SNX18: variants seen among roughly 807,000 people sequenced by gnomAD.
SNX18 encodes the protein sorting nexin-18.
SNX18 carries 35 observed loss-of-function variants against 48.7 expected under a neutral mutation model. The ratio of observed to expected loss-of-function variants is 0.72; its 90% confidence interval spans 0.55 to 0.95. SNX18 has a LOEUF of 0.95. SNX18 is among the 40% of genes least tolerant of loss of function. The pLI, the probability that SNX18 is intolerant of heterozygous loss-of-function variation, is 0.00. For missense variants in SNX18, 824 were observed against 871.0 expected, an observed-to-expected ratio of 0.95 and a Z score of 0.68; for synonymous variants, 492 against 384.7, an observed-to-expected ratio of 1.28 and a Z score of -3.26.
In SNX18 at chr5:54,518,378, C is replaced by T. The variant is rs1233441866; in HGVS notation, c.426C>T (p.Gly142=). 14 of 1,569,816 alleles carry T rather than the reference C, an allele frequency of 8.9e-6. No individual in the cohort carries two copies. In the East Asian group the frequency reaches 1.7e-4, roughly 19 times the overall value. The change falls in exon 1 of 2, where the codon GGC becomes GGT. Residue 142 remains glycine, a synonymous_variant. Coordinates refer to ENST00000381410, the MANE Select transcript of SNX18 (RefSeq NM_001102575.2). ...AGCCGTCGCCTCAGCAGCTCTACGG[C>T]GGCTACCAGGCCAGCCAAGGCAGCG... ...ALQPSPQQLY[G]GYQASQGSDD...
At chr5:54,581,923 C>A in the SNX18 span, among the ~76,000 whole-genome samples, 4 of 152,298 alleles carry the variant, frequency 2.6e-5, no homozygotes, top group South Asian at 8.3e-4. Context: ...TCAGAGACAC[C>A]TGCACCCCTC....
chr5:54,621,635 C>A, the SNX18 span, among the ~76,000 whole-genome samples: 1 of 152,130 alleles, frequency 6.6e-6, no homozygotes, highest in African/African-American at 2.4e-5. Context: ...TCAAGCACAA[C>A]AACGTTACTG....
chr5:54,647,467 G>C, the SNX18 span, among the ~76,000 whole-genome samples: 3 of 152,208 alleles, frequency 2.0e-5, no homozygotes, highest in African/African-American at 7.2e-5. Flanking sequence ...AAAGAACAGA[G>C]CATTCTGGAA....
chr5:54,593,706 G>GA, the SNX18 span, among the ~76,000 whole-genome samples: 8 of 152,170 alleles, frequency 5.3e-5, no homozygotes, highest in African/African-American at 1.4e-4. Flanking sequence ...ATAGACTACT[G>GA]AAAAAACTAT....
the SNX18 span, among the ~76,000 whole-genome samples, chr5:54,629,567 G>T: frequency 1.3e-5 from 2 of 152,196 alleles, no homozygotes; most frequent in African/African-American, 2.4e-5. Context: ...TTTAAGGCAG[G>T]TCAAGTCTAC....
At chr5:54,611,810 TGTTGG>T in the SNX18 span, among the ~76,000 whole-genome samples, 1 of 151,838 alleles carries the variant, frequency 6.6e-6, no homozygotes. Flanking sequence ...ATGTTTACAG[TGTTGG>T]GGTGAGGCAG....
At chr5:54,583,527 A>T in the SNX18 span, among the ~76,000 whole-genome samples, 1 of 152,192 alleles carries the variant, frequency 6.6e-6, no homozygotes, top group African/African-American at 2.4e-5. Flanking sequence ...TCTGGTTAAG[A>T]ACAAAGGCCT....
the SNX18 span, among the ~76,000 whole-genome samples, chr5:54,552,991 C>T: frequency 6.7e-6 from 1 of 149,456 alleles, no homozygotes; most frequent in African/African-American, 2.4e-5. Flanking sequence ...CATTCCAGAG[C>T]TTCCACAGTT....
At chr5:54,535,223 C>T (rs924852705) in intron 1 of SNX18, among the ~76,000 whole-genome samples, 1 of 152,070 alleles carries the variant, frequency 6.6e-6, no homozygotes, top group African/African-American at 2.4e-5. Flanking sequence ...TTTAGAACTG[C>T]GAGATGGCTT....
chr5:54,522,022 GATATTCAGT>G (rs1243384717), intron 1 of SNX18, among the ~76,000 whole-genome samples: 1 of 152,178 alleles, frequency 6.6e-6, no homozygotes, highest in Non-Finnish European at 1.5e-5. Context: ...AACAGCAGTT[GATATTCAGT>G]ATAGTTTGTT....
chr5:54,588,306 C>CTTTTTTTTT, the SNX18 span, among the ~76,000 whole-genome samples: 24 of 73,912 alleles, frequency 3.2e-4, 3 homozygotes, highest in East Asian at 8.0e-4. Context: ...TATTTCTATT[C>CTTTTTTTTT]TTTTTTTTTT....
chr5:54,640,876 A>T, the SNX18 span, among the ~76,000 whole-genome samples: 1 of 152,178 alleles, frequency 6.6e-6, no homozygotes, highest in Non-Finnish European at 1.5e-5. Context: ...CCTGGTCAAC[A>T]TGGTTAAACC....
the SNX18 span, among the ~76,000 whole-genome samples, chr5:54,602,816 C>A: frequency 6.6e-6 from 1 of 152,180 alleles, no homozygotes; most frequent in African/African-American, 2.4e-5. Context: ...TACTGGGAAG[C>A]TGCTGATCAG....
At chr5:54,573,766 C>A in the SNX18 span, among the ~76,000 whole-genome samples, 1 of 152,122 alleles carries the variant, frequency 6.6e-6, no homozygotes, top group Non-Finnish European at 1.5e-5. Context: ...AGGCCTGGGA[C>A]TGAGCAAGAC....
the SNX18 span, among the ~76,000 whole-genome samples, chr5:54,642,921 A>G: frequency 6.6e-6 from 1 of 152,204 alleles, no homozygotes; most frequent in Non-Finnish European, 1.5e-5. Flanking sequence ...ACACATGTGT[A>G]CTGAACAAAC....
At chr5:54,564,139 G>A in the SNX18 span, among the ~76,000 whole-genome samples, 5 of 152,166 alleles carry the variant, frequency 3.3e-5, no homozygotes, top group East Asian at 1.9e-4. Context: ...GATGGCGGGC[G>A]CCTGTAGTCC....
chr5:54,536,149 T>C (rs1762351338), intron 1 of SNX18, among the ~76,000 whole-genome samples: 1 of 152,196 alleles, frequency 6.6e-6, no homozygotes, highest in Non-Finnish European at 1.5e-5. Flanking sequence ...GGGCTCCTTT[T>C]GCCTGTTCGG....
chr5:54,574,948 G>A, the SNX18 span, among the ~76,000 whole-genome samples: 1 of 152,194 alleles, frequency 6.6e-6, no homozygotes, highest in Non-Finnish European at 1.5e-5. Flanking sequence ...AGATTCCAAA[G>A]CATCTTGATC....
downstream of SNX18, among the ~76,000 whole-genome samples, chr5:54,551,141 C>T (rs923813586): frequency 1.3e-5 from 2 of 151,482 alleles, no homozygotes; most frequent in African/African-American, 4.9e-5. Flanking sequence ...CTGTGCCAAC[C>T]CCTTCGAGAC....
Sources: gnomAD v4.1 joint callset for allele counts (sites outside exome capture counted in the v4.1 genomes callset) on GRCh38, gnomAD v4.1.1 for gene constraint, MANE v1.5 for transcripts, NCBI Gene and HGNC (gene_info 2026-07-23, HGNC 2026-07-21) for gene names.